The following DOCK6 variants were observed in gnomAD, a reference collection of about 807,000 sequenced individuals.
The protein encoded by DOCK6 is dedicator of cytokinesis protein 6.
A neutral mutation model predicts 230.3 loss-of-function variants in DOCK6; 167 were observed. The ratio of observed to expected loss-of-function variants is 0.73; its 90% confidence interval spans 0.64 to 0.82. The LOEUF (loss-of-function observed/expected upper bound fraction) is 0.82, where lower values mean the gene tolerates loss of function less well. DOCK6 is among the 40% of genes least tolerant of loss of function. The pLI, the probability that DOCK6 is intolerant of heterozygous loss-of-function variation, is 0.00. For missense variants in DOCK6, 2,598 were observed against 2,825.8 expected (o/e 0.92, Z 1.83); for synonymous variants, 1,148 against 1,185.0 (o/e 0.97, Z 0.64).
At chr19:11,208,084 G>T (rs1439430231) in intron 39 of DOCK6, 3 of 151,796 alleles carry the variant, frequency 2.0e-5, no homozygotes, top group Non-Finnish European at 4.4e-5. Context: ...TCACACCACT[G>T]TACACCAGCC....
intron 14 of DOCK6, chr19:11,241,657 C>G: frequency 6.3e-7 from 1 of 1,577,756 alleles, no homozygotes; most frequent in Non-Finnish European, 8.6e-7. Context: ...TCTCCCTCCC[C>G]AGACTCCACA....
intron 28 of DOCK6, 124 bp from the exon 29 acceptor site, chr19:11,217,515 G>C (rs2079511963): frequency 7.9e-7 from 1 of 1,270,228 alleles, no homozygotes; most frequent in Non-Finnish European, 1.1e-6. Context: ...CCAGCACTTT[G>C]GGAGGCAGAG....
chr19:11,214,873 T>C (rs572434759), intron 32 of DOCK6, among the ~76,000 whole-genome samples: 1 of 151,352 alleles, frequency 6.6e-6, no homozygotes, highest in African/African-American at 2.4e-5. Flanking sequence ...CCTCCCAGGC[T>C]CAAGTCATTC....
rs2079171504 is a variant in DOCK6, at chr19:11,201,752, C to T, written c.5688+137G>A. On this transcript the variant is annotated intron_variant, in intron 44 of 47. Transcript: ENST00000294618. The surrounding 1 kb of genome is among the most constrained non-coding windows in gnomAD (Gnocchi z 4.3). ...CTCCCTGGGGATCTGGTCTAGGGTC[C>T]CTGTGCCACCCCTCTCTGGGTCTGA... The T allele has an allele frequency of 1.2e-6, 1 of 808,000 alleles. No individual in the cohort carries two copies. The highest frequency in any genetic ancestry group is 2.0e-6 in the Non-Finnish European group (1 of 512,248). 50.1% of individuals were successfully genotyped at this position (808,000 alleles called of 1,614,324 possible).
Position 11,209,120 on chromosome 19 carries a change from G to A in DOCK6, c.4752-17C>T, listed in dbSNP as rs1274988695. On this transcript the variant is annotated splice_polypyrimidine_tract_variant and intron_variant, in intron 37 of 47. Transcript: ENST00000294618. ...CGGGCAATTCTGGAGTCCAGGTGAG[G>A]GGGGATGTGAGGAGGGGACTCACCT... 8 of 1,607,236 alleles carry A rather than the reference G, an allele frequency of 5.0e-6. No homozygotes were observed. The Admixed American group carries it at 6.7e-5, about 14-fold the overall frequency.
chr19:11,225,556 G>A (rs899492610), intron 24 of DOCK6, among the ~76,000 whole-genome samples: 1 of 152,030 alleles, frequency 6.6e-6, no homozygotes, highest in Non-Finnish European at 1.5e-5. Context: ...GGTGGGTATG[G>A]TAGCACGCAC....
At chr19:11,252,357 T>A in intron 4 of DOCK6, 109 bp from the exon 5 acceptor site, 1 of 1,579,396 alleles carries the variant, frequency 6.3e-7, no homozygotes, top group Middle Eastern at 1.7e-4. Context: ...GTCCTTGTGC[T>A]CCACCAGACA....
chr19:11,223,169 C>T, intron 24 of DOCK6, 63 bp from the exon 25 acceptor site: 14 of 1,484,154 alleles, frequency 9.4e-6, no homozygotes, highest in Non-Finnish European at 1.2e-5. Context: ...GGGCTTGGCT[C>T]TCACCAAGAT....
intron 1 of DOCK6, among the ~76,000 whole-genome samples, chr19:11,260,093 A>G (rs566515951): frequency 1.3e-5 from 2 of 151,950 alleles, no homozygotes; most frequent in African/African-American, 4.8e-5. Context: ...TGAATATAGG[A>G]CCAGCTCTGA....
rs189925805 is a variant in DOCK6, at chr19:11,216,960, C to A, written c.3848G>T (p.Arg1283Leu). ...ATDLTLPQLG[R>L]LLDLLYLCLA... ...GCAAAGGTACAGCAAATCCAACAGA[C>A]GTCCCAGCTGGGGGAGTGTCAGGTC... The change falls in exon 30 of 48, where the codon CGT (arginine) becomes CTT (leucine). Residue 1283 changes from arginine (R) to leucine (L), a missense_variant. Coordinates refer to ENST00000294618, the MANE Select transcript of DOCK6 (RefSeq NM_020812.4). 6.2e-7 allele frequency: 1 copy of A among 1,613,806 alleles called. No homozygotes were observed. The highest frequency in any genetic ancestry group is 1.1e-5 in the South Asian group (1 of 91,082).
chr19:11,220,752 A>C lies in DOCK6; in HGVS notation c.3550+1099T>G, dbSNP rs1384514129. Among the ~76,000 whole-genome samples the C allele has an allele frequency of 1.3e-5, 2 of 152,178 alleles. 1 individual carries two copies. Among genetic ancestry groups the C allele is most frequent in the Non-Finnish European group, 2.9e-5 (2 of 68,036 alleles). On this transcript the variant is annotated intron_variant, in intron 28 of 47. Transcript: ENST00000294618. ...AATGAGACAAAAGATGGAGAATTTC[A>C]ACAGGGAATTGGGATCTACAAAAAA...
At chr19:11,250,319 C>T (rs1329257034) in intron 6 of DOCK6, among the ~76,000 whole-genome samples, 1 of 141,560 alleles carries the variant, frequency 7.1e-6, no homozygotes, top group African/African-American at 2.6e-5. Flanking sequence ...CCAGAAGCTA[C>T]TTTTTTTTTT....
chr19:11,237,994 C>T (rs2079877832), intron 16 of DOCK6, 51 bp downstream of exon 16: 2 of 1,598,148 alleles, frequency 1.3e-6, no homozygotes. Flanking sequence ...TAAGGGACAT[C>T]CTCCTACCCC....
In DOCK6 at chr19:11,249,694, G is replaced by A. The variant is rs537875877; in HGVS notation, c.720+1180C>T. 6.6e-5 allele frequency among the ~76,000 whole-genome samples: 10 copies of A among 151,538 alleles called. No homozygotes were observed. In the South Asian group the frequency reaches 1.0e-3, roughly 16 times the overall value. ...GCGGATCACCTGAGGTCAGGAGTTC[G>A]AGACCAGCCTGGCCAACATGGCCAA... is the stretch of plus-strand genomic sequence containing the variant. On this transcript the variant is annotated intron_variant, in intron 6 of 47. Coordinates refer to ENST00000294618, the MANE Select transcript of DOCK6 (RefSeq NM_020812.4).
At position 11,202,526 on chromosome 19, in the gene DOCK6, C is replaced by G; in HGVS notation, c.5362-43G>C. 2.5e-6 allele frequency: 4 copies of G among 1,613,720 alleles called. No individual in the cohort carries two copies. The highest frequency in any genetic ancestry group is 3.4e-6 in the Non-Finnish European group (4 of 1,179,766). ...ACTCGGGGCCACCCAGGGACAGCCCCTACTCCAGCCCCAAGGCAGCCCCAT... is the reference window on the plus strand; with the variant it reads ...ACTCGGGGCCACCCAGGGACAGCCCGTACTCCAGCCCCAAGGCAGCCCCAT... On this transcript the variant is annotated intron_variant, in intron 42 of 47. Coordinates refer to ENST00000294618, the MANE Select transcript of DOCK6 (RefSeq NM_020812.4). The surrounding 1 kb of genome is among the most constrained non-coding windows in gnomAD (Gnocchi z 5.3).
At position 11,233,256 on chromosome 19, in the gene DOCK6, C is replaced by G. The variant is rs774962559; in HGVS notation, c.2665G>C (p.Ala889Pro). ...TCATCCACAGAGCCAGGGGCCACGG[C>G]GAGGTCAGGGTTGCTGCTGCTGATG... ...KSISSSNPDL[A>P]VAPGSVDDEV... is the part of the protein sequence containing the mutation. The change falls in exon 22 of 48, where the codon GCC (alanine) becomes CCC (proline). Residue 889 changes from alanine to proline, a missense_variant. Physicochemically the swap from Ala to Pro is conservative, Grantham distance 27. Coordinates refer to ENST00000294618, the MANE Select transcript of DOCK6 (RefSeq NM_020812.4). 1 of 1,613,884 alleles carries G rather than the reference C, an allele frequency of 6.2e-7. No homozygotes were observed. Among genetic ancestry groups the G allele is most frequent in the Non-Finnish European group, 8.5e-7 (1 of 1,179,852 alleles).
Position 11,248,113 on chromosome 19 carries a change from G to C in DOCK6, c.759C>G (p.Pro253=), listed in dbSNP as rs566869284. ...AGATCCTTTGTCCAAAGTGCTCGCG[G>C]GGTGGCTCTGGGCGGCTACAGCGTT... ...AVERCSRPEP[P]REHFGQRILV... The change falls in exon 7 of 48, where the codon CCC becomes CCG. Residue 253 remains proline, a synonymous_variant. Transcript: ENST00000294618. 2 of 1,612,582 alleles carry C rather than the reference G, an allele frequency of 1.2e-6. No homozygotes were observed. Among genetic ancestry groups the C allele is most frequent in the South Asian group, 2.2e-5 (2 of 90,694 alleles).
chr19:11,240,778 C>T (rs1281726346), intron 14 of DOCK6, among the ~76,000 whole-genome samples: 1 of 151,040 alleles, frequency 6.6e-6, no homozygotes, highest in Non-Finnish European at 1.5e-5. Flanking sequence ...CCATGTTGGC[C>T]AGGCTGGTCT....
In DOCK6 at chr19:11,252,564, A is replaced by T; in HGVS notation, c.309-14T>A. 3 of 1,613,928 alleles carry T rather than the reference A, an allele frequency of 1.9e-6. No homozygotes were observed. Among genetic ancestry groups the T allele is most frequent in the South Asian group, 1.1e-5 (1 of 91,084 alleles). On this transcript the variant is annotated splice_polypyrimidine_tract_variant and intron_variant, in intron 3 of 47. Transcript: ENST00000294618. ...GCATCCAGTTTTCTGCAGCAAAAGAAGATCAGGGTAAACAGAGACAAGGCC... is the reference window on the plus strand; with the variant it reads ...GCATCCAGTTTTCTGCAGCAAAAGATGATCAGGGTAAACAGAGACAAGGCC...
Sources: allele counts gnomAD v4.1 joint callset (sites outside exome capture counted in the v4.1 genomes callset), GRCh38; gene constraint gnomAD v4.1.1; non-coding constraint Gnocchi (gnomAD v3.1); transcripts MANE v1.5; gene names NCBI Gene and HGNC (gene_info 2026-07-23, HGNC 2026-07-21).